Variants in SIPA1L3 observed in about 807,000 individuals in gnomAD.
SIPA1L3 encodes the protein signal induced proliferation associated 1 like 3, also known as signal-induced proliferation-associated 1-like protein 3.
Under a neutral mutation model 150.1 loss-of-function variants are expected in SIPA1L3, and 59 were observed. The observed-to-expected ratio is 0.39, with a 90% confidence interval of 0.32 to 0.49. The LOEUF is 0.49. Among genes scored for constraint, SIPA1L3 ranks in the 20% least tolerant of loss-of-function variants. The pLI is 0.86. For missense variants in SIPA1L3, 2,211 were observed against 2,489.5 expected (o/e 0.89, Z 2.38); for synonymous variants, 1,070 against 1,077.6 (o/e 0.99, Z 0.14).
intron 2 of SIPA1L3, among the ~76,000 whole-genome samples, chr19:38,058,388 C>T (rs888673800): frequency 6.6e-6 from 1 of 152,136 alleles, no homozygotes; most frequent in Non-Finnish European, 1.5e-5. Flanking sequence ...CCACACACCT[C>T]TCCCCACTGG....
intron 3 of SIPA1L3, chr19:38,087,636 G>GA (rs1160931969): frequency 2.6e-5 from 4 of 152,264 alleles, no homozygotes; most frequent in Non-Finnish European, 5.9e-5. Flanking sequence ...GCATGTTTTA[G>GA]AAAAAAAGAG....
intron 1 of SIPA1L3, among the ~76,000 whole-genome samples, chr19:37,929,179 T>TCTGGGGCTGGGG (rs372310928): frequency 6.4e-4 from 97 of 152,218 alleles, no homozygotes; most frequent in African/African-American, 8.0e-4. Flanking sequence ...GGATTGACCC[T>TCTGGGGCTGGGG]CTGGGGCTGG....
chr19:37,985,645 C>T (rs1250261506), intron 1 of SIPA1L3, among the ~76,000 whole-genome samples: 2 of 152,200 alleles, frequency 1.3e-5, no homozygotes, highest in African/African-American at 4.8e-5. Flanking sequence ...GCCAGTCATG[C>T]ACACAGGTGG....
rs1415127900 is a variant in SIPA1L3 at position 38,029,103 on chromosome 19, A to T, written c.-364A>T. On this transcript the variant is annotated 5_prime_UTR_variant, in exon 2 of 22. It removes the in-frame stop codon of an upstream open reading frame in the 5' UTR. Transcript: ENST00000222345. ...CCTCCATGTAGATGCACAGTCTCTG[A>T]CATCAGCTCTCCTGGGACCCTCCAA... is the stretch of plus-strand genomic sequence containing the variant. The T allele has an allele frequency of 6.6e-6, 1 of 152,222 alleles. No homozygotes were observed. Among genetic ancestry groups the T allele is most frequent in the Non-Finnish European group, 1.5e-5 (1 of 68,050 alleles). 9.4% of individuals were successfully genotyped at this position (152,222 alleles called of 1,614,324 possible). A position where few individuals can be genotyped will look rare whatever the true frequency, so the allele number is the denominator to read the frequency against.
intron 2 of SIPA1L3, among the ~76,000 whole-genome samples, chr19:38,030,783 C>A (rs544943714): frequency 6.6e-6 from 1 of 151,990 alleles, no homozygotes; most frequent in Non-Finnish European, 1.5e-5. Context: ...GGCATGGGCC[C>A]CCAGCTGCAT....
intron 15 of SIPA1L3, among the ~76,000 whole-genome samples, chr19:38,175,173 C>T (rs1030933363): frequency 1.8e-4 from 27 of 152,060 alleles, no homozygotes; most frequent in Non-Finnish European, 3.5e-4. Flanking sequence ...GTTCCTGTCT[C>T]GGGGTTGCTA....
intron 15 of SIPA1L3, among the ~76,000 whole-genome samples, chr19:38,170,165 C>T (rs1972295103): frequency 6.6e-6 from 1 of 152,132 alleles, no homozygotes; most frequent in African/African-American, 2.4e-5. Context: ...TCTGAGCTAG[C>T]CAGGGAAGTC....
rs1338883575 is a variant in SIPA1L3, at chr19:38,164,834, A to G, written c.4136A>G (p.Lys1379Arg). 6.2e-7 allele frequency: 1 copy of G among 1,605,548 alleles called. No homozygotes were observed. The highest frequency in any genetic ancestry group is 8.5e-7 in the Non-Finnish European group (1 of 1,174,958). Residue 1379 changes from lysine to arginine, a missense_variant, in exon 15 of 22, where the codon AAG (lysine) becomes AGG (arginine). Lys to Arg is a conservative substitution (Grantham distance 26). Coordinates refer to ENST00000222345, the MANE Select transcript of SIPA1L3 (RefSeq NM_015073.3). This position sits in a 1 kb window ranked among gnomAD's most constrained non-coding sequence, Gnocchi z 4.1. The part of the protein sequence containing the change: ...VAGQSKGYRP[K>R]LYSSGSSTPT... The stretch of plus-strand genomic sequence containing the variant: ...GGCCAAAGCAAGGGCTACCGACCGA[A>G]GCTGTACTCCTCCGGCTCCAGCACC...
chr19:37,950,199 G>A (rs1168378442), intron 1 of SIPA1L3, among the ~76,000 whole-genome samples: 1 of 151,618 alleles, frequency 6.6e-6, no homozygotes, highest in South Asian at 2.1e-4. Flanking sequence ...TTTCTCACCT[G>A]TAAAATGAGG....
rs184989134 is a variant in SIPA1L3 at position 38,208,229 on chromosome 19, T to G, written c.*1989T>G. On this transcript the variant is annotated 3_prime_UTR_variant, in exon 22 of 22. Transcript: ENST00000222345. The stretch of plus-strand genomic sequence containing the variant: ...TCCAATGGCCGAAGATAGCAGCAGG[T>G]TTTTTTTTTCATATGTTGATTTGTT... The G allele has an allele frequency of 1.3e-5, 2 of 149,910 alleles. No homozygotes were observed. Among genetic ancestry groups the G allele is most frequent in the Non-Finnish European group, 3.0e-5 (2 of 67,156 alleles). 9.3% of individuals were successfully genotyped at this position (149,910 alleles called of 1,614,324 possible).
In SIPA1L3 at chr19:38,201,865, A is replaced by G; in HGVS notation, c.4988A>G (p.Gln1663Arg). ...LVNAAKAYEV[Q>R]RAVSLFSLND... ...CCTCCTCCTCCCTCCCTGGCAGTGC[A>G]AAGAGCCGTCTCACTCTTCTCTCTG... The change falls in exon 20 of 22, where the codon CAA becomes CGA. Residue 1663 changes from glutamine to arginine, a missense_variant. Gln to Arg is a conservative substitution (Grantham distance 43, BLOSUM62 1). Coordinates refer to ENST00000222345, the MANE Select transcript of SIPA1L3 (RefSeq NM_015073.3). 1.2e-6 allele frequency: 2 copies of G among 1,609,262 alleles called. No individual in the cohort carries two copies. The highest frequency in any genetic ancestry group is 1.1e-5 in the South Asian group (1 of 90,412).
At chr19:38,139,195 C>CA (rs939974047) in intron 10 of SIPA1L3, among the ~76,000 whole-genome samples, 4 of 151,662 alleles carry the variant, frequency 2.6e-5, no homozygotes, top group South Asian at 2.1e-4. Context: ...GACTCCATCT[C>CA]AAAAAAAACA....
Position 38,010,633 on chromosome 19 carries a change from C to T in SIPA1L3, c.-378-18456C>T, listed in dbSNP as rs566078479. Among the ~76,000 whole-genome samples, 180 of 152,290 alleles carry T rather than the reference C, an allele frequency of 1.2e-3. 1 individual carries two copies. Among genetic ancestry groups the T allele is most frequent in the Non-Finnish European group, 2.0e-3 (133 of 68,020 alleles). ...GGCTGAGGCAGGAGAATCGCTTGAA[C>T]CCAGGAGGTGGAGGTTGCAGTGAGC... On this transcript the variant is annotated intron_variant, in intron 1 of 21. Coordinates refer to ENST00000222345, the MANE Select transcript of SIPA1L3 (RefSeq NM_015073.3).
At chr19:38,146,562 T>C (rs1971707213) in intron 12 of SIPA1L3, among the ~76,000 whole-genome samples, 1 of 152,246 alleles carries the variant, frequency 6.6e-6, no homozygotes, top group South Asian at 2.1e-4. Context: ...TAAGTTTTCA[T>C]TTCTCTGGGA....
At chr19:38,205,356 G>A (rs1285924173) in intron 21 of SIPA1L3, among the ~76,000 whole-genome samples, 3 of 151,666 alleles carry the variant, frequency 2.0e-5, no homozygotes, top group Non-Finnish European at 4.4e-5. Context: ...TACTTGGGAA[G>A]CTGGGGAGGA....
chr19:38,041,566 C>T (rs973296184), intron 2 of SIPA1L3, among the ~76,000 whole-genome samples: 7 of 152,072 alleles, frequency 4.6e-5, no homozygotes, highest in African/African-American at 9.6e-5. Context: ...CGTGAGCCAC[C>T]GCACCAGGCC....
chr19:37,973,235 CTTTTT>C (rs34272056), intron 1 of SIPA1L3, among the ~76,000 whole-genome samples: 2 of 119,988 alleles, frequency 1.7e-5, no homozygotes, highest in Non-Finnish European at 1.7e-5. Context: ...AAAAGCGCAT[CTTTTT>C]TTTTTTTTTT....
chr19:38,014,660 C>T (rs1434388448), intron 1 of SIPA1L3, among the ~76,000 whole-genome samples: 1 of 111,902 alleles, frequency 8.9e-6, no homozygotes, highest in African/African-American at 3.6e-5. Flanking sequence ...TCAAGCGATC[C>T]TCCCCCGGCT....
chr19:38,132,325 C>T (rs113244443), intron 10 of SIPA1L3, among the ~76,000 whole-genome samples: 11,727 of 151,572 alleles, frequency 0.077, 1,337 homozygotes, highest in African/African-American at 0.24. Context: ...TTCGGGAGGC[C>T]GAGGCGGGCG....
Sources: gnomAD v4.1 joint callset for allele counts (sites outside exome capture counted in the v4.1 genomes callset) on GRCh38, gnomAD v4.1.1 for gene constraint, Gnocchi (gnomAD v3.1) non-coding constraint, MANE v1.5 for transcripts, NCBI Gene and HGNC (gene_info 2026-07-23, HGNC 2026-07-21) for gene names.